GRM5: variants seen among roughly 807,000 people sequenced by gnomAD.
GRM5 encodes glutamate metabotropic receptor 5, also known as metabotropic glutamate receptor 5.
Under a neutral mutation model 83.1 loss-of-function variants are expected in GRM5, and 19 were observed. The ratio of observed to expected loss-of-function variants is 0.23; its 90% CI spans 0.16 to 0.34. The LOEUF (loss-of-function observed/expected upper bound fraction) is 0.34, where lower values mean the gene tolerates loss of function less well. GRM5 is among the 10% of genes least tolerant of loss of function. The pLI, the probability that GRM5 is intolerant of heterozygous loss-of-function variation, is 1.00. For missense variants in GRM5, 1,160 were observed against 1,588.3 expected, an observed-to-expected ratio of 0.73 and a Z score of 4.58; for synonymous variants, 675 against 633.6, an observed-to-expected ratio of 1.07 and a Z score of -0.98.
chr11:88,628,019 A>C (rs1166444432), intron 4 of GRM5, among the ~76,000 whole-genome samples: 1 of 152,164 alleles, frequency 6.6e-6, no homozygotes, highest in Non-Finnish European at 1.5e-5. Context: ...TGAGTAGGAC[A>C]TGTATTTTCT....
rs1319257463 is a variant in GRM5 at position 88,816,559 on chromosome 11, A to C, written c.911+33347T>G. Among the ~76,000 whole-genome samples the C allele has an allele frequency of 1.4e-5, 2 of 143,730 alleles. 1 individual carries two copies. The highest frequency in any genetic ancestry group is 3.0e-5 in the Non-Finnish European group (2 of 67,596). The allele number at this position is 143,730 out of a possible 152,430, so 94.3% of individuals were successfully genotyped here. ...ATCTCAAAAAAAAAAAAAAAAGAAAAGAAAAGAAAAAGAAATTGGAAACAG... is the reference window on the plus strand; with the variant it reads ...ATCTCAAAAAAAAAAAAAAAAGAAACGAAAAGAAAAAGAAATTGGAAACAG... On this transcript the variant is annotated intron_variant, in intron 3 of 9. Coordinates refer to ENST00000305447, the MANE Select transcript of GRM5 (RefSeq NM_001143831.3).
In GRM5 at chr11:89,002,422, C is replaced by A. The variant is rs1940410548; in HGVS notation, c.661+44790G>T. Reference sequence around the variant, plus strand: ...GAGCTCTGGCTTCCTAAAAAAAACTCAAAAATAAGAGGCTGCCAAAGCTAA... The same window carrying A: ...GAGCTCTGGCTTCCTAAAAAAAACTAAAAAATAAGAGGCTGCCAAAGCTAA... On this transcript the variant is annotated intron_variant, in intron 2 of 9. Transcript: ENST00000305447. Among the ~76,000 whole-genome samples the A allele has an allele frequency of 5.3e-5, 8 of 152,090 alleles. No individual in the cohort carries two copies. In the South Asian group the frequency reaches 1.4e-3, roughly 28 times the overall value.
At chr11:88,767,682 A>G (rs984277418) in intron 3 of GRM5, among the ~76,000 whole-genome samples, 3 of 151,872 alleles carry the variant, frequency 2.0e-5, no homozygotes, top group East Asian at 3.9e-4. Flanking sequence ...TTGAGGGTGG[A>G]TGGTAGGAGG....
intron 1 of GRM5, among the ~76,000 whole-genome samples, chr11:89,048,957 C>G (rs1310788948): frequency 6.6e-6 from 1 of 152,112 alleles, no homozygotes; most frequent in Non-Finnish European, 1.5e-5. Flanking sequence ...TACAAGATAT[C>G]AACGAAATAA....
intron 7 of GRM5, among the ~76,000 whole-genome samples, chr11:88,586,351 G>A (rs1591365720): frequency 6.6e-6 from 1 of 152,152 alleles, no homozygotes; most frequent in East Asian, 1.9e-4. Flanking sequence ...AGATCTCTTA[G>A]CCATGCTGAT....
At chr11:88,843,998 C>T (rs1435691822) in intron 3 of GRM5, among the ~76,000 whole-genome samples, 2 of 152,198 alleles carry the variant, frequency 1.3e-5, no homozygotes, top group African/African-American at 4.8e-5. Flanking sequence ...CATCAAAGTG[C>T]TGGGTGAAGC....
intron 7 of GRM5, among the ~76,000 whole-genome samples, chr11:88,582,897 T>C (rs1293556570): frequency 6.6e-6 from 1 of 152,056 alleles, no homozygotes. Flanking sequence ...TAGTATAGCA[T>C]AAAAACCCCA....
At chr11:88,954,542 T>C (rs766788992) in intron 2 of GRM5, among the ~76,000 whole-genome samples, 4 of 152,248 alleles carry the variant, frequency 2.6e-5, no homozygotes, top group African/African-American at 9.6e-5. Flanking sequence ...CACTGCTCAA[T>C]AGAACTTTCT....
chr11:88,685,563 AT>A (rs1940600291), intron 3 of GRM5, among the ~76,000 whole-genome samples: 1 of 152,228 alleles, frequency 6.6e-6, no homozygotes, highest in African/African-American at 2.4e-5. Flanking sequence ...TCTCCAAGGC[AT>A]GTCAGAGATC....
intron 3 of GRM5, among the ~76,000 whole-genome samples, chr11:88,842,229 T>C (rs1181711890): frequency 6.6e-6 from 1 of 152,182 alleles, no homozygotes; most frequent in African/African-American, 2.4e-5. Flanking sequence ...CTAGTCAACA[T>C]GGTTTGTGTG....
At chr11:88,783,493 T>C (rs745942046) in intron 3 of GRM5, among the ~76,000 whole-genome samples, 8 of 152,112 alleles carry the variant, frequency 5.3e-5, no homozygotes, top group Non-Finnish European at 8.8e-5. Context: ...AGAGCTGTAA[T>C]TGGAATAAAT....
chr11:88,709,857 T>C (rs899074956), intron 3 of GRM5, among the ~76,000 whole-genome samples: 3 of 152,114 alleles, frequency 2.0e-5, no homozygotes, highest in African/African-American at 7.2e-5. Flanking sequence ...ACAAACAGAA[T>C]CTGTTCTCAA....
intron 3 of GRM5, among the ~76,000 whole-genome samples, chr11:88,798,963 G>A (rs1188986106): frequency 1.3e-5 from 2 of 151,620 alleles, no homozygotes; most frequent in Non-Finnish European, 2.9e-5. Context: ...AAATTAAAAA[G>A]GTATAAAGAA....
At chr11:88,960,314 G>T (rs561581303) in intron 2 of GRM5, among the ~76,000 whole-genome samples, 1 of 152,082 alleles carries the variant, frequency 6.6e-6, no homozygotes, top group African/African-American at 2.4e-5. Flanking sequence ...CAATTACTGT[G>T]TGTCAGGCTC....
At chr11:88,902,950 C>CAAAAAAAAAAAAAAAAAA (rs201996144) in intron 2 of GRM5, among the ~76,000 whole-genome samples, 3 of 61,922 alleles carry the variant, frequency 4.8e-5, no homozygotes, top group East Asian at 4.2e-4. Context: ...GACTCCATCT[C>CAAAAAAAAAAAAAAAAAA]AAAAAAAAAA....
chr11:88,861,366 C>G (rs7101682), intron 2 of GRM5, among the ~76,000 whole-genome samples: 17,178 of 152,090 alleles, frequency 0.11, 1,576 homozygotes, highest in African/African-American at 0.23. Context: ...CACACAATCT[C>G]TCTTATTCCT....
At chr11:88,551,801 A>C (rs1942515665) in intron 8 of GRM5, among the ~76,000 whole-genome samples, 1 of 152,190 alleles carries the variant, frequency 6.6e-6, no homozygotes. Context: ...ACACATGGGC[A>C]CATGGTACAT....
At chr11:88,911,097 G>C (rs1260197892) in intron 2 of GRM5, among the ~76,000 whole-genome samples, 1 of 151,982 alleles carries the variant, frequency 6.6e-6, no homozygotes, top group Non-Finnish European at 1.5e-5. Flanking sequence ...GTCACTTCTT[G>C]ATTTTTCCAT....
At chr11:88,936,258 A>G (rs1431835695) in intron 2 of GRM5, among the ~76,000 whole-genome samples, 6 of 151,928 alleles carry the variant, frequency 3.9e-5, no homozygotes, top group Admixed American at 6.6e-5. Context: ...GATTTAAAAT[A>G]ACAACATAAA....
Sources: allele counts gnomAD v4.1 joint callset (sites outside exome capture counted in the v4.1 genomes callset), GRCh38; gene constraint gnomAD v4.1.1; transcripts MANE v1.5; gene names NCBI Gene and HGNC (gene_info 2026-07-23, HGNC 2026-07-21).